GPBAR1: variants seen among roughly 807,000 people sequenced by gnomAD.
GPBAR1 encodes the protein G-protein coupled bile acid receptor 1.
In GPBAR1, 13 loss-of-function variants were observed where a neutral mutation model predicts 13.0. The ratio of observed to expected loss-of-function variants is 1.00; its 90% CI spans 0.65 to 1.59. GPBAR1 has a LOEUF of 1.59. GPBAR1 is among the 40% of genes most tolerant of loss of function. The pLI is 0.00. For missense variants in GPBAR1, 398 were observed against 436.4 expected (o/e 0.91, Z 0.78); for synonymous variants, 193 against 205.2 (o/e 0.94, Z 0.51).
chr2:218,260,738 G>A (rs1690389743), upstream of GPBAR1, among the ~76,000 whole-genome samples: 1 of 152,212 alleles, frequency 6.6e-6, no homozygotes, highest in South Asian at 2.1e-4. Flanking sequence ...GCTGTCAGCT[G>A]GCTGGCCAGT....
At chr2:218,259,653 G>GCAGAGCTGGCACAGCCA (rs1690366082), upstream of GPBAR1, 1 of 152,300 alleles carries the variant, frequency 6.6e-6, no homozygotes, top group South Asian at 2.1e-4. Flanking sequence ...GACTGGCTGT[G>GCAGAGCTGGCACAGCCA]CAGAGCTGGC....
At position 218,263,342 on chromosome 2, in the gene GPBAR1, G is replaced by A. The variant is rs776392548; in HGVS notation, c.618G>A (p.Val206=). ...ACATCTGCCGGCTGGAGCGGGCAGT[G>A]TGCCGCGATGAGCCCTCCGCCCTGG... ...LQDICRLERA[V]CRDEPSALAR... The change falls in exon 2 of 2, where the codon GTG becomes GTA. Residue 206 remains valine (V), a synonymous_variant. Coordinates refer to ENST00000519574, the MANE Select transcript of GPBAR1 (RefSeq NM_170699.3). This position sits in a 1 kb window ranked among gnomAD's most constrained non-coding sequence, Gnocchi z 4.2. The A allele has an allele frequency of 3.1e-6, 5 of 1,601,006 alleles. No individual in the cohort carries two copies. The highest frequency in any genetic ancestry group is 1.1e-5 in the South Asian group (1 of 90,282).
intron 1 of GPBAR1, among the ~76,000 whole-genome samples, chr2:218,261,680 A>T (rs1274857463): frequency 6.6e-6 from 1 of 152,118 alleles, no homozygotes; most frequent in African/African-American, 2.4e-5. Flanking sequence ...CTCTCAGCTC[A>T]GGGCAGCCAT....
At chr2:218,261,846 A>T (rs145469275) in intron 1 of GPBAR1, among the ~76,000 whole-genome samples, 1 of 152,058 alleles carries the variant, frequency 6.6e-6, no homozygotes, top group Non-Finnish European at 1.5e-5. Flanking sequence ...GTGGCAGCAG[A>T]GCCATGACAC....
In GPBAR1 at chr2:218,263,456, G is replaced by A; in HGVS notation, c.732G>A (p.Leu244=). 6.2e-7 allele frequency: 1 copy of A among 1,604,726 alleles called. No individual in the cohort carries two copies. Among genetic ancestry groups the A allele is most frequent in the Non-Finnish European group, 8.5e-7 (1 of 1,176,472 alleles). The change falls in exon 2 of 2, where the codon CTG becomes CTA. Residue 244 remains leucine (L), a synonymous_variant. Coordinates refer to ENST00000519574, the MANE Select transcript of GPBAR1 (RefSeq NM_170699.3). This position sits in a 1 kb window ranked among gnomAD's most constrained non-coding sequence, Gnocchi z 4.2. Reference sequence around the variant, plus strand: ...GCTGGGGGCCCTACGTGGCCACACTGCTCCTCTCAGTCCTGGCCTATGAGC... The same window carrying A: ...GCTGGGGGCCCTACGTGGCCACACTACTCCTCTCAGTCCTGGCCTATGAGC... ...GLCWGPYVAT[L]LLSVLAYEQR...
intron 1 of GPBAR1, among the ~76,000 whole-genome samples, chr2:218,261,819 C>G (rs1379577050): frequency 6.6e-6 from 1 of 152,154 alleles, no homozygotes; most frequent in African/African-American, 2.4e-5. Context: ...CAGGACCCCT[C>G]CCCCTGTCCC....
At chr2:218,261,368 C>T (rs910411893) in intron 1 of GPBAR1, among the ~76,000 whole-genome samples, 152 bp downstream of exon 1, 2 of 152,178 alleles carry the variant, frequency 1.3e-5, no homozygotes, top group African/African-American at 4.8e-5. Flanking sequence ...GCCTTTGTCG[C>T]TGTTCTAGTG....
At position 218,262,708 on chromosome 2, in the gene GPBAR1, C is replaced by CT; in HGVS notation, c.-16dup. 3.2e-6 allele frequency: 5 copies of CT among 1,556,476 alleles called. No individual in the cohort carries two copies. The highest frequency in any genetic ancestry group is 3.5e-6 in the Non-Finnish European group (4 of 1,152,242). On this transcript the variant is annotated 5_prime_UTR_variant, in exon 2 of 2. Transcript: ENST00000519574. This position sits in a 1 kb window ranked among gnomAD's most constrained non-coding sequence, Gnocchi z 5.1. ...TGCCGGCTGCCGCTCCAGGACTCCC[C>CT]TGTCCCCAGGACCAAGATGACGCCC...
In GPBAR1 at chr2:218,262,971, T is replaced by C. The variant is rs145881577; in HGVS notation, c.247T>C (p.Trp83Arg). 8.1e-6 allele frequency: 13 copies of C among 1,613,838 alleles called. No homozygotes were observed. In the East Asian group the frequency reaches 1.1e-4, roughly 14 times the overall value. ...GTGGAACCAGAGTCGCCGGGGTTACTGGTCCTGCCTCCTCGTCTACTTGGC... is the reference window on the plus strand; with the variant it reads ...GTGGAACCAGAGTCGCCGGGGTTACCGGTCCTGCCTCCTCGTCTACTTGGC... ...GLWNQSRRGY[W>R]SCLLVYLAPN... Residue 83 changes from tryptophan to arginine, a missense_variant, in exon 2 of 2, where the codon TGG (tryptophan) becomes CGG (arginine). Transcript: ENST00000519574. This position sits in a 1 kb window ranked among gnomAD's most constrained non-coding sequence, Gnocchi z 5.1.
At chr2:218,261,327 G>C (rs1489406930) in intron 1 of GPBAR1, 111 bp downstream of exon 1, 1 of 152,318 alleles carries the variant, frequency 6.6e-6, no homozygotes, top group Non-Finnish European at 1.5e-5. Context: ...CCTGCACCCT[G>C]CTGGGAAATC....
Position 218,262,538 on chromosome 2 carries a change from G to A in GPBAR1, c.-45-142G>A, listed in dbSNP as rs1690452805. The A allele has an allele frequency of 1.7e-6, 1 of 595,048 alleles. No individual in the cohort carries two copies. The highest frequency in any genetic ancestry group is 2.8e-5 in the East Asian group (1 of 35,642). 36.9% of individuals were successfully genotyped at this position (595,048 alleles called of 1,614,324 possible). ...AGTTTTTTATATAAATGTTTAATTG[G>A]CAATTAATTGAAAAATTCTGTGTAT... is the stretch of plus-strand genomic sequence containing the variant. On this transcript the variant is annotated intron_variant, in intron 1 of 1. Coordinates refer to ENST00000519574, the MANE Select transcript of GPBAR1 (RefSeq NM_170699.3). The surrounding 1 kb of genome is among the most constrained non-coding windows in gnomAD (Gnocchi z 5.1).
chr2:218,263,265 G>A lies in GPBAR1; in HGVS notation c.541G>A (p.Ala181Thr), dbSNP rs769928118. 13 of 1,607,576 alleles carry A rather than the reference G, an allele frequency of 8.1e-6. No individual in the cohort carries two copies. Among genetic ancestry groups the A allele is most frequent in the South Asian group, 1.1e-5 (1 of 91,076 alleles). Residue 181 changes from alanine to threonine, a missense_variant, in exon 2 of 2, where the codon GCT becomes ACT. Coordinates refer to ENST00000519574, the MANE Select transcript of GPBAR1 (RefSeq NM_170699.3). This position sits in a 1 kb window ranked among gnomAD's most constrained non-coding sequence, Gnocchi z 4.2. ...YGLLLPAVGA[A>T]AFLSVRVLAT... ...GCTCCTGCTGCCCGCCGTGGGTGCT[G>A]CTGCCTTCCTCTCTGTCCGCGTGCT...
At position 218,263,425 on chromosome 2, in the gene GPBAR1, G is replaced by GGC; in HGVS notation, c.702_703dup (p.Leu235ArgfsTer35). On this transcript the variant is annotated frameshift_variant, in exon 2 of 2. Transcript: ENST00000519574. LOFTEE classifies it high-confidence loss of function. This position sits in a 1 kb window ranked among gnomAD's most constrained non-coding sequence, Gnocchi z 4.2. ...CAGGCTGGAGCCATGCTGCTCTTCG[G>GGC]GCTGTGCTGGGGGCCCTACGTGGCC... is the stretch of plus-strand genomic sequence containing the variant. 1 of 1,602,898 alleles carries GGC rather than the reference G, an allele frequency of 6.2e-7. No homozygotes were observed. Among genetic ancestry groups the GGC allele is most frequent in the South Asian group, 1.1e-5 (1 of 89,644 alleles).
chr2:218,262,626 C>A lies in GPBAR1; in HGVS notation c.-45-54C>A. 7.6e-7 allele frequency: 1 copy of A among 1,311,136 alleles called. No individual in the cohort carries two copies. The highest frequency in any genetic ancestry group is 1.0e-6 in the Non-Finnish European group (1 of 983,844). The allele number at this position is 1,311,136 out of a possible 1,614,324, so 81.2% of individuals were successfully genotyped here. On this transcript the variant is annotated intron_variant, in intron 1 of 1. Transcript: ENST00000519574. This position sits in a 1 kb window ranked among gnomAD's most constrained non-coding sequence, Gnocchi z 5.1. ...GCCCCTGGATTAACATGCTGCCCTGCCAGGAGGACACGACCTGCAGCCCCA... is the reference window on the plus strand; with the variant it reads ...GCCCCTGGATTAACATGCTGCCCTGACAGGAGGACACGACCTGCAGCCCCA...
At chr2:218,260,363 C>A (rs979044409), upstream of GPBAR1, among the ~76,000 whole-genome samples, 1 of 152,194 alleles carries the variant, frequency 6.6e-6, no homozygotes, top group Non-Finnish European at 1.5e-5. Flanking sequence ...TTGGGGCAAA[C>A]CCCCACCCAT....
At position 218,262,671 on chromosome 2, in the gene GPBAR1, A is replaced by G; in HGVS notation, c.-45-9A>G. 45 of 1,485,170 alleles carry G rather than the reference A, an allele frequency of 3.0e-5. No homozygotes were observed. The highest frequency in any genetic ancestry group is 3.9e-5 in the Non-Finnish European group (44 of 1,120,858). The allele number at this position is 1,485,170 out of a possible 1,614,324, so 92.0% of individuals were successfully genotyped here. A position where few individuals can be genotyped will look rare whatever the true frequency, so the allele number is the denominator to read the frequency against. The stretch of plus-strand genomic sequence containing the variant: ...GCCCCATCCTAACTCTGGCCACCCC[A>G]TCCTGCAGGCATGCCGGCTGCCGCT... On this transcript the variant is annotated splice_polypyrimidine_tract_variant and intron_variant, in intron 1 of 1. Transcript: ENST00000519574. This position sits in a 1 kb window ranked among gnomAD's most constrained non-coding sequence, Gnocchi z 5.1.
Position 218,263,237 on chromosome 2 carries a change from T to C in GPBAR1, c.513T>C (p.Tyr171=). 6.2e-7 allele frequency: 1 copy of C among 1,608,116 alleles called. No homozygotes were observed. Among genetic ancestry groups the C allele is most frequent in the Non-Finnish European group, 8.5e-7 (1 of 1,179,828 alleles). ...CCCCCTACCTGTACCTCGAAGTCTA[T>C]GGGCTCCTGCTGCCCGCCGTGGGTG... ...FPAPYLYLEV[Y]GLLLPAVGAA... The change falls in exon 2 of 2, where the codon TAT becomes TAC. Residue 171 remains tyrosine (Y), a synonymous_variant. Coordinates refer to ENST00000519574, the MANE Select transcript of GPBAR1 (RefSeq NM_170699.3). This position sits in a 1 kb window ranked among gnomAD's most constrained non-coding sequence, Gnocchi z 4.2.
chr2:218,259,686 C>T (rs113167548), upstream of GPBAR1: 67 of 152,426 alleles, frequency 4.4e-4, no homozygotes, highest in African/African-American at 1.4e-3. Flanking sequence ...CACGGGCTTC[C>T]AGCCCTTCAG....
In GPBAR1 at chr2:218,263,425, G is replaced by C. The variant is rs201017530; in HGVS notation, c.701G>C (p.Gly234Ala). ...RAQAGAMLLF[G>A]LCWGPYVATL... ...CAGGCTGGAGCCATGCTGCTCTTCG[G>C]GCTGTGCTGGGGGCCCTACGTGGCC... Residue 234 changes from glycine to alanine, a missense_variant, in exon 2 of 2, where the codon GGG becomes GCG. Transcript: ENST00000519574. The surrounding 1 kb of genome is among the most constrained non-coding windows in gnomAD (Gnocchi z 4.2). The C allele has an allele frequency of 1.2e-6, 2 of 1,602,898 alleles. No individual in the cohort carries two copies. Among genetic ancestry groups the C allele is most frequent in the East Asian group, 4.5e-5 (2 of 44,388 alleles).
Sources: allele counts gnomAD v4.1 joint callset (sites outside exome capture counted in the v4.1 genomes callset), GRCh38; gene constraint gnomAD v4.1.1; non-coding constraint Gnocchi (gnomAD v3.1); transcripts MANE v1.5; gene names NCBI Gene and HGNC (gene_info 2026-07-23, HGNC 2026-07-21).